Variants in ZSCAN26 observed in about 807,000 individuals in gnomAD.
ZSCAN26 encodes zinc finger and SCAN domain containing 26, also known as zinc finger and SCAN domain-containing protein 26.
ZSCAN26 carries 26 observed loss-of-function variants against 23.0 expected under a neutral mutation model. That is an observed-to-expected ratio of 1.13 (90% CI 0.83 to 1.57). ZSCAN26 has a LOEUF of 1.57. Among genes scored for constraint, ZSCAN26 ranks in the 40% most tolerant of loss-of-function variants. ZSCAN26 has a pLI of 0.00. For synonymous variants in ZSCAN26, 180 were observed against 202.5 expected, an observed-to-expected ratio of 0.89 and a Z score of 0.94; for missense variants, 528 against 568.5, an observed-to-expected ratio of 0.93 and a Z score of 0.72.
intron 2 of ZSCAN26, 144 bp from the exon 3 acceptor site, chr6:28,272,526 T>G: frequency 2.1e-6 from 2 of 959,674 alleles, no homozygotes; most frequent in Admixed American, 5.8e-5. Context: ...AAACTGAATG[T>G]GCACCAGATT....
At chr6:28,272,434 A>C (rs1761736863) in intron 2 of ZSCAN26, 95 bp downstream of exon 2, 2 of 1,373,102 alleles carry the variant, frequency 1.5e-6, no homozygotes, top group East Asian at 5.0e-5. Flanking sequence ...GAGAATTACT[A>C]AGCTTTGATT....
In ZSCAN26 at chr6:28,271,878, A is replaced by C. The variant is rs910397743; in HGVS notation, c.-42A>C. The C allele has an allele frequency of 6.6e-7, 1 of 1,505,136 alleles. No individual in the cohort carries two copies. The highest frequency in any genetic ancestry group is 8.9e-7 in the Non-Finnish European group (1 of 1,124,998). 93.2% of individuals were successfully genotyped at this position (1,505,136 alleles called of 1,614,324 possible). On this transcript the variant is annotated 5_prime_UTR_variant, in exon 2 of 4. Coordinates refer to ENST00000421553, the MANE Select transcript of ZSCAN26 (RefSeq NM_001023560.4). ...GGAGTGTCTCTGAAGATACAGTCCA[A>C]AGAAAGTTCTCCAAAACAAGGAGAA...
Position 28,272,358 on chromosome 6 carries a change from C to A in ZSCAN26, c.420+19C>A. ...ACAGGTGGTAAGGGTCAGATGTGCT[C>A]TTTTTCAGGAATGCAGGAATTGAGA... On this transcript the variant is annotated intron_variant, in intron 2 of 3. Transcript: ENST00000421553. 1 of 1,479,568 alleles carries A rather than the reference C, an allele frequency of 6.8e-7. No individual in the cohort carries two copies. Among genetic ancestry groups the A allele is most frequent in the Admixed American group, 2.5e-5 (1 of 39,348 alleles). The allele number at this position is 1,479,568 out of a possible 1,614,324, so 91.7% of individuals were successfully genotyped here. A position where few individuals can be genotyped will look rare whatever the true frequency, so the allele number is the denominator to read the frequency against.
intron 3 of ZSCAN26, among the ~76,000 whole-genome samples, chr6:28,273,038 T>C (rs568261314): frequency 2.2e-4 from 34 of 152,276 alleles, no homozygotes; most frequent in African/African-American, 8.2e-4. Flanking sequence ...ACCCCAAATA[T>C]TTTAGCTGAA....
intron 1 of ZSCAN26, among the ~76,000 whole-genome samples, chr6:28,271,538 A>G (rs1246824988): frequency 6.6e-6 from 1 of 152,056 alleles, no homozygotes; most frequent in Non-Finnish European, 1.5e-5. Context: ...TATGTTGCCC[A>G]GGCTGGACTC....
At chr6:28,276,074 A>T (rs1761915753) in intron 3 of ZSCAN26, 121 bp from the exon 4 acceptor site, 3 of 823,686 alleles carry the variant, frequency 3.6e-6, no homozygotes, top group Non-Finnish European at 5.6e-6. Flanking sequence ...AATCACAAGC[A>T]TCCACAATGT....
chr6:28,270,806 G>A (rs1368270540), intron 1 of ZSCAN26, among the ~76,000 whole-genome samples: 1 of 152,110 alleles, frequency 6.6e-6, no homozygotes, highest in Non-Finnish European at 1.5e-5. Flanking sequence ...CTTCACAGAG[G>A]TCACTAATGA....
chr6:28,269,770 G>C (rs930123203), intron 1 of ZSCAN26, among the ~76,000 whole-genome samples: 2 of 152,116 alleles, frequency 1.3e-5, no homozygotes, highest in Admixed American at 6.5e-5. Context: ...CAACATTATG[G>C]AGGGCAGTCT....
chr6:28,276,445 T>C lies in ZSCAN26; in HGVS notation c.789T>C (p.Asp263=). Residue 263 remains aspartate, a synonymous_variant, in exon 4 of 4, where the codon GAT becomes GAC. Transcript: ENST00000421553. ...THTGKKLCES[D]VCQSSSLTGH... is the part of the protein sequence containing the mutation. ...CGGGAAAGAAACTCTGCGAGTCTGA[T>C]GTGTGTCAGAGTTCCAGTCTTACAG... 6.2e-7 allele frequency: 1 copy of C among 1,613,994 alleles called. No homozygotes were observed. The highest frequency in any genetic ancestry group is 8.5e-7 in the Non-Finnish European group (1 of 1,179,864).
chr6:28,276,114 T>G, intron 3 of ZSCAN26, 81 bp from the exon 4 acceptor site: 3 of 1,203,198 alleles, frequency 2.5e-6, no homozygotes, highest in Non-Finnish European at 3.4e-6. Context: ...CTTCATTATA[T>G]TTTTTTTTCC....
In ZSCAN26 at chr6:28,276,303, G is replaced by C; in HGVS notation, c.647G>C (p.Gly216Ala). 6.2e-7 allele frequency: 1 copy of C among 1,613,984 alleles called. No individual in the cohort carries two copies. The highest frequency in any genetic ancestry group is 2.2e-5 in the East Asian group (1 of 44,886). The change falls in exon 4 of 4, where the codon GGC (glycine) becomes GCC (alanine). Residue 216 changes from glycine (G) to alanine (A), a missense_variant. By Grantham distance (60) the Gly-to-Ala change is moderately conservative. Transcript: ENST00000421553. ...ISEPMEAHNE[G>A]SNLERHQAKP... ...GAACCCATGGAGGCTCATAATGAGG[G>C]CTCTAACTTGGAAAGGCATCAGGCC...
rs755555110 is a variant in ZSCAN26, at chr6:28,276,150, A to G, written c.539-45A>G. ...TTTTAGTTGCAGATTCCTTTCCCCA[A>G]GCATCAAAAGACAAGTAATTGGTGG... On this transcript the variant is annotated intron_variant, in intron 3 of 3. Coordinates refer to ENST00000421553, the MANE Select transcript of ZSCAN26 (RefSeq NM_001023560.4). 17 of 1,513,268 alleles carry G rather than the reference A, an allele frequency of 1.1e-5. No individual in the cohort carries two copies. In the African/African-American group the frequency reaches 2.1e-4, roughly 19 times the overall value. The allele number at this position is 1,513,268 out of a possible 1,614,324, so 93.7% of individuals were successfully genotyped here. A position where few individuals can be genotyped will look rare whatever the true frequency, so the allele number is the denominator to read the frequency against.
chr6:28,269,076 G>T (rs187468151), intron 1 of ZSCAN26, among the ~76,000 whole-genome samples: 1 of 150,934 alleles, frequency 6.6e-6, no homozygotes, highest in East Asian at 1.9e-4. Context: ...TTGCGCTGCT[G>T]TACTCCAGCC....
rs1323424869 is a variant in ZSCAN26 at position 28,272,069 on chromosome 6, G to T, written c.150G>T (p.Leu50Phe). The change falls in exon 2 of 4, where the codon TTG (leucine) becomes TTT (phenylalanine). Residue 50 changes from leucine (L) to phenylalanine (F), a missense_variant. Physicochemically the swap from Leu to Phe is conservative, Grantham distance 22. Transcript: ENST00000421553. ...GTAAAGGCCTTGGACAGGAGCCATT[G>T]TGCAAACAATTCAGGCAGTTGCGTT... ...GNSKGLGQEP[L>F]CKQFRQLRYE... 1 of 1,561,742 alleles carries T rather than the reference G, an allele frequency of 6.4e-7. No individual in the cohort carries two copies. Among genetic ancestry groups the T allele is most frequent in the African/African-American group, 1.4e-5 (1 of 73,396 alleles).
intron 1 of ZSCAN26, among the ~76,000 whole-genome samples, chr6:28,270,593 A>T (rs1761641002): frequency 6.6e-6 from 1 of 152,232 alleles, no homozygotes; most frequent in African/African-American, 2.4e-5. Context: ...GAGATATCTG[A>T]CCTGAAGAAT....
chr6:28,273,546 A>G (rs568603978), intron 3 of ZSCAN26, among the ~76,000 whole-genome samples: 2 of 143,130 alleles, frequency 1.4e-5, no homozygotes, highest in African/African-American at 5.6e-5. Context: ...GTCTCAAAAA[A>G]CAAACAAACA....
At position 28,277,988 on chromosome 6, in the gene ZSCAN26, G is replaced by A. The variant is rs1337693546; in HGVS notation, c.*892G>A. 3.9e-5 allele frequency: 6 copies of A among 152,100 alleles called. No homozygotes were observed. The highest frequency in any genetic ancestry group is 6.6e-5 in the Admixed American group (1 of 15,260). 9.4% of individuals were successfully genotyped at this position (152,100 alleles called of 1,614,324 possible). A position where few individuals can be genotyped will look rare whatever the true frequency, so the allele number is the denominator to read the frequency against. On this transcript the variant is annotated 3_prime_UTR_variant, in exon 4 of 4. Transcript: ENST00000421553. ...AATGTTGCTTGTTCTGGAATACTTCGGAAGTTAAACAATAAAGTCAGCTTG... is the reference window on the plus strand; with the variant it reads ...AATGTTGCTTGTTCTGGAATACTTCAGAAGTTAAACAATAAAGTCAGCTTG...
chr6:28,267,738 T>G lies in ZSCAN26; in HGVS notation c.-67+525T>G, dbSNP rs182846254. On this transcript the variant is annotated intron_variant, in intron 1 of 3. Transcript: ENST00000421553. ...ACTGTATCGTGTAAGGAATTTTGTC[T>G]TTTTTTGGTGTGTGTTTTTGGAGGA... Among the ~76,000 whole-genome samples the G allele has an allele frequency of 4.6e-3, 706 of 152,178 alleles. 15 individuals are homozygous for G. Among genetic ancestry groups the G allele is most frequent in the South Asian group, 0.036 (171 of 4,796 alleles).
chr6:28,268,726 G>T (rs537257547), intron 1 of ZSCAN26, among the ~76,000 whole-genome samples: 1 of 152,254 alleles, frequency 6.6e-6, no homozygotes. Context: ...CTGGGTAGAT[G>T]GAGCTCCTCC....
Sources: allele counts gnomAD v4.1 joint callset (sites outside exome capture counted in the v4.1 genomes callset), GRCh38; gene constraint gnomAD v4.1.1; transcripts MANE v1.5; gene names NCBI Gene and HGNC (gene_info 2026-07-23, HGNC 2026-07-21).